RASA4: variants seen among roughly 807,000 people sequenced by gnomAD.
RASA4 encodes RAS p21 protein activator 4.
In RASA4, 5 loss-of-function variants were observed where a neutral mutation model predicts 24.0. The observed-to-expected ratio is 0.21, with a 90% confidence interval of 0.11 to 0.44. RASA4 has a LOEUF of 0.44. RASA4 is among the 20% of genes least tolerant of loss of function. The pLI is 0.99. For missense variants in RASA4, 38 were observed against 293.0 expected, an observed-to-expected ratio of 0.13 and a Z score of 6.35; for synonymous variants, 9 against 132.7, an observed-to-expected ratio of 0.07 and a Z score of 6.41.
intron 4 of RASA4, among the ~76,000 whole-genome samples, chr7:102,606,826 GA>G (rs1790694243): frequency 1.4e-5 from 1 of 71,890 alleles, no homozygotes; most frequent in Non-Finnish European, 3.6e-5. Flanking sequence ...CTTAAAACAG[GA>G]AGAGAGTGGC....
chr7:102,591,066 T>A (rs1290765258), intron 16 of RASA4, among the ~76,000 whole-genome samples: 1 of 119,848 alleles, frequency 8.3e-6, no homozygotes, highest in African/African-American at 3.8e-5. Context: ...GAGGATTGCC[T>A]GAGGCCAGGA....
Position 102,605,955 on chromosome 7 carries a change from C to G in RASA4, c.331G>C (p.Asp111His), listed in dbSNP as rs372956201. The change falls in exon 5 of 21, where the codon GAC becomes CAC. Residue 111 changes from aspartate to histidine, a missense_variant. Coordinates refer to ENST00000262940, the MANE Select transcript of RASA4 (RefSeq NM_006989.6). ...FSGWAHLTEV[D>H]PDEEVQGEIH... is the part of the protein sequence containing the mutation. ...TCGCCCTGCACCTCCTCATCGGGGT[C>G]GACCTCCGTCAGGTGGGCCCACCCG... The G allele has an allele frequency of 6.2e-7, 1 of 1,606,890 alleles. No homozygotes were observed. Among genetic ancestry groups the G allele is most frequent in the East Asian group, 2.2e-5 (1 of 44,736 alleles).
At chr7:102,604,234 G>A (rs1790512947) in intron 5 of RASA4, among the ~76,000 whole-genome samples, 2 of 150,906 alleles carry the variant, frequency 1.3e-5, no homozygotes, top group South Asian at 2.1e-4. Context: ...ATGAGGAAAT[G>A]TTCTTTCTTT....
intron 4 of RASA4, among the ~76,000 whole-genome samples, chr7:102,608,268 C>CT (rs1463625623): frequency 0.017 from 1,208 of 69,484 alleles, 14 homozygotes; most frequent in African/African-American, 0.064. Flanking sequence ...CGTGCCCGGC[C>CT]TTTTTTTTAA....
At chr7:102,585,857 G>GTTT (rs1214496763) in intron 18 of RASA4, among the ~76,000 whole-genome samples, 2 of 131,086 alleles carry the variant, frequency 1.5e-5, no homozygotes, top group African/African-American at 5.7e-5. Context: ...TTGTTTTTTT[G>GTTT]TTTTTTTTTT....
chr7:102,587,362 A>C (rs1210179495), intron 18 of RASA4: 2 of 436,208 alleles, frequency 4.6e-6, no homozygotes, highest in African/African-American at 4.7e-5. Context: ...AAAAAGAAGA[A>C]GAAGAAATAA....
At chr7:102,590,707 G>A (rs1169894141) in intron 16 of RASA4, among the ~76,000 whole-genome samples, 4 of 145,092 alleles carry the variant, frequency 2.8e-5, no homozygotes, top group East Asian at 2.0e-4. Flanking sequence ...TTGGGAGGCC[G>A]AGGAAGGCGG....
rs1450770970 is a variant in RASA4 at position 102,580,566 on chromosome 7, G to A, written c.*2205C>T. 2 of 36,942 alleles carry A rather than the reference G, an allele frequency of 5.4e-5. No homozygotes were observed. The highest frequency in any genetic ancestry group is 1.2e-4 in the African/African-American group (2 of 16,388). The allele number at this position is 36,942 out of a possible 1,614,324, so 2.3% of individuals were successfully genotyped here. The stretch of plus-strand genomic sequence containing the variant: ...TCTCTTATTATAAAGTTCTGGCCAC[G>A]CACAGTGGCTCGCAACTGTAATCTC... On this transcript the variant is annotated 3_prime_UTR_variant, in exon 21 of 21. Coordinates refer to ENST00000262940, the MANE Select transcript of RASA4 (RefSeq NM_006989.6).
chr7:102,590,803 G>A (rs1329403005), intron 16 of RASA4, among the ~76,000 whole-genome samples: 2 of 142,006 alleles, frequency 1.4e-5, no homozygotes, highest in South Asian at 2.1e-4. Context: ...AGCCGGGCAT[G>A]GTGGCGCATG....
At chr7:102,613,829 C>T (rs1156483327) in intron 1 of RASA4, among the ~76,000 whole-genome samples, 1 of 151,982 alleles carries the variant, frequency 6.6e-6, no homozygotes, top group African/African-American at 2.4e-5. Flanking sequence ...CACTGGTCAT[C>T]GTGAGACTTG....
intron 4 of RASA4, among the ~76,000 whole-genome samples, chr7:102,606,705 A>G (rs1790689451): frequency 2.0e-5 from 2 of 101,054 alleles, no homozygotes; most frequent in African/African-American, 3.3e-5. Context: ...GAGTCTTGCT[A>G]TGTTGCTCAG....
chr7:102,602,694 G>T (rs1443227104), intron 5 of RASA4, among the ~76,000 whole-genome samples: 10 of 109,226 alleles, frequency 9.2e-5, no homozygotes, highest in African/African-American at 3.9e-4. Context: ...TGGCAGGGGG[G>T]TGGTGTGAGT....
chr7:102,613,846 G>A (rs1790956382), intron 1 of RASA4, among the ~76,000 whole-genome samples: 1 of 151,836 alleles, frequency 6.6e-6, no homozygotes, highest in Non-Finnish European at 1.5e-5. Flanking sequence ...CTTGGCTCAT[G>A]CCTAGGTACG....
At chr7:102,596,520 G>T (rs1790236931) in intron 8 of RASA4, among the ~76,000 whole-genome samples, 2 of 99,258 alleles carry the variant, frequency 2.0e-5, no homozygotes, top group African/African-American at 5.9e-5. Context: ...ACCCGAGCCA[G>T]TTCAGCAACT....
chr7:102,592,125 G>A (rs1219815393), intron 16 of RASA4, among the ~76,000 whole-genome samples, 160 bp downstream of exon 16: 7 of 150,470 alleles, frequency 4.7e-5, no homozygotes, highest in African/African-American at 1.7e-4. Flanking sequence ...GTGAGCCACC[G>A]TGCCCGGCCC....
intron 8 of RASA4, 93 bp from the exon 9 acceptor site, chr7:102,596,222 G>A (rs140048771): frequency 0.29 from 257,578 of 890,268 alleles, 21,036 homozygotes; most frequent in Admixed American, 0.38. Context: ...CCTTGGGGCC[G>A]GCTTCCCATC....
intron 8 of RASA4, 89 bp from the exon 9 acceptor site, chr7:102,596,218 G>C: frequency 7.6e-7 from 1 of 1,320,652 alleles, no homozygotes; most frequent in Non-Finnish European, 1.1e-6. Flanking sequence ...TTTCCCTTGG[G>C]GCCGGCTTCC....
Position 102,587,742 on chromosome 7 carries a change from G to C in RASA4, c.1997C>G (p.Ser666Cys). Residue 666 changes from serine (S) to cysteine (C), a missense_variant, in exon 18 of 21, where the codon TCT (serine) becomes TGT (cysteine). Coordinates refer to ENST00000262940, the MANE Select transcript of RASA4 (RefSeq NM_006989.6). ...KCVNELNQWL[S>C]ALRKVSINNT... ...GTTGATGCTCACCTTCCGCAGCGCA[G>C]ACAGCCACTGGTTAAGCTCATTCAC... 3.2e-6 allele frequency: 1 copy of C among 311,012 alleles called. No individual in the cohort carries two copies. The highest frequency in any genetic ancestry group is 5.4e-6 in the Non-Finnish European group (1 of 184,660). 19.3% of individuals were successfully genotyped at this position (311,012 alleles called of 1,614,324 possible). A position where few individuals can be genotyped will look rare whatever the true frequency, so the allele number is the denominator to read the frequency against.
chr7:102,603,641 C>A (rs1282082292), intron 5 of RASA4, among the ~76,000 whole-genome samples: 1 of 152,262 alleles, frequency 6.6e-6, no homozygotes, highest in African/African-American at 2.4e-5. Flanking sequence ...GCCTCTCATA[C>A]CTGCCTTTCT....
Sources: gnomAD v4.1 joint callset for allele counts (sites outside exome capture counted in the v4.1 genomes callset) on GRCh38, gnomAD v4.1.1 for gene constraint, MANE v1.5 for transcripts, NCBI Gene and HGNC (gene_info 2026-07-23, HGNC 2026-07-21) for gene names.